The following PIGU variants were observed in gnomAD, a reference collection of about 807,000 sequenced individuals.
The protein encoded by PIGU is GPI-anchor transamidase component PIGU.
In PIGU, 24 loss-of-function variants were observed where a neutral mutation model predicts 49.9. The observed-to-expected ratio is 0.48, with a 90% CI of 0.35 to 0.68. The LOEUF (loss-of-function observed/expected upper bound fraction) is 0.68. Among genes scored for constraint, PIGU ranks in the 30% least tolerant of loss-of-function variants. The pLI is 0.01. For synonymous variants in PIGU, 220 were observed against 205.7 expected (o/e 1.07, Z -0.59); for missense variants, 490 against 532.6 (o/e 0.92, Z 0.79).
intron 7 of PIGU, among the ~76,000 whole-genome samples, chr20:34,605,648 G>T (rs757066371): frequency 6.6e-6 from 1 of 152,156 alleles, no homozygotes; most frequent in Admixed American, 6.5e-5. Flanking sequence ...ATAGTCACTT[G>T]CTCAGGGTCA....
chr20:34,563,624 T>G (rs969088724), intron 11 of PIGU, among the ~76,000 whole-genome samples: 2 of 139,602 alleles, frequency 1.4e-5, no homozygotes, highest in Admixed American at 7.2e-5. Context: ...AATACATCAA[T>G]GGGGGGGGGG....
intron 11 of PIGU, among the ~76,000 whole-genome samples, chr20:34,561,691 G>A (rs948568497): frequency 6.6e-6 from 1 of 152,052 alleles, no homozygotes; most frequent in East Asian, 1.9e-4. Flanking sequence ...GGCAAAGCTC[G>A]AACTCCCTCG....
intron 11 of PIGU, among the ~76,000 whole-genome samples, chr20:34,569,080 T>C (rs1041165529): frequency 6.6e-6 from 1 of 152,174 alleles, no homozygotes; most frequent in Admixed American, 6.5e-5. Flanking sequence ...GGGGTGTGCC[T>C]GTAGTTCTAG....
At chr20:34,652,495 A>C (rs1321512808) in intron 2 of PIGU, among the ~76,000 whole-genome samples, 1 of 151,984 alleles carries the variant, frequency 6.6e-6, no homozygotes, top group Non-Finnish European at 1.5e-5. Context: ...TATTTCTTTT[A>C]ATCTGCTTAC....
intron 6 of PIGU, among the ~76,000 whole-genome samples, chr20:34,631,265 G>A (rs1427543937): frequency 6.6e-6 from 1 of 151,916 alleles, no homozygotes; most frequent in Non-Finnish European, 1.5e-5. Flanking sequence ...AAAAGTAAGA[G>A]AAAGTAAGTA....
rs1356161618 is a variant in PIGU at position 34,658,551 on chromosome 20, C to T, written c.131-1307G>A. On this transcript the variant is annotated intron_variant, in intron 1 of 11. Coordinates refer to ENST00000217446, the MANE Select transcript of PIGU (RefSeq NM_080476.5). The stretch of plus-strand genomic sequence containing the variant: ...GCCATCCCATCTAGGAAGTGAGGAG[C>T]GTCTCTGCCCGGCCGCCCATCGTCT... 4.6e-5 allele frequency among the ~76,000 whole-genome samples: 7 copies of T among 151,616 alleles called. No individual in the cohort carries two copies. In the South Asian group the frequency reaches 6.2e-4, roughly 14 times the overall value.
intron 11 of PIGU, chr20:34,562,306 G>A (rs1982556558): frequency 1.5e-6 from 1 of 676,420 alleles, no homozygotes; most frequent in Non-Finnish European, 1.8e-6. Context: ...CAGAGGATTG[G>A]CACCAACCAC....
At chr20:34,635,757 C>T (rs1231262749) in intron 5 of PIGU, among the ~76,000 whole-genome samples, 1 of 152,080 alleles carries the variant, frequency 6.6e-6, no homozygotes, top group African/African-American at 2.4e-5. Flanking sequence ...TGCCTGTAAT[C>T]CCAGCTACTC....
chr20:34,668,792 T>A (rs1222675264), intron 1 of PIGU, among the ~76,000 whole-genome samples: 2 of 82,054 alleles, frequency 2.4e-5, no homozygotes, highest in African/African-American at 4.7e-5. Flanking sequence ...AATAAATAAA[T>A]AAAATAAAAA....
chr20:34,643,144 G>A (rs946804932), intron 4 of PIGU, among the ~76,000 whole-genome samples: 4 of 152,016 alleles, frequency 2.6e-5, no homozygotes, highest in African/African-American at 9.7e-5. Context: ...TGGTCTTGGT[G>A]ATACTAAGTC....
chr20:34,612,051 T>C (rs1324530162), intron 7 of PIGU, among the ~76,000 whole-genome samples: 1 of 152,078 alleles, frequency 6.6e-6, no homozygotes, highest in Non-Finnish European at 1.5e-5. Context: ...TATAAAGATA[T>C]ATGCACACGT....
intron 1 of PIGU, among the ~76,000 whole-genome samples, chr20:34,668,872 T>A (rs6119508): frequency 1.2e-3 from 47 of 39,430 alleles, no homozygotes; most frequent in African/African-American, 5.1e-3. Context: ...TAAAACTTTT[T>A]TTTTTTTTTT....
chr20:34,676,231 A>G (rs182971120), intron 1 of PIGU, among the ~76,000 whole-genome samples: 89 of 152,124 alleles, frequency 5.9e-4, no homozygotes, highest in Non-Finnish European at 1.0e-3. Flanking sequence ...CTCAAATCCC[A>G]CATTCTGGAA....
chr20:34,596,007 G>C (rs1448868958), intron 7 of PIGU, among the ~76,000 whole-genome samples: 1 of 152,128 alleles, frequency 6.6e-6, no homozygotes, highest in Admixed American at 6.5e-5. Flanking sequence ...GAGCCCAGTC[G>C]GGCGATGGAG....
chr20:34,645,297 T>G lies in PIGU; in HGVS notation c.233A>C (p.Asp78Ala). ...LIIYLFHFLI[D>A]YAELVFMITD... ...TACCATAAACACCAATTCAGCATAG[T>G]CAATTAGGAAATGAAAGAGGTATAT... Residue 78 changes from aspartate to alanine, a missense_variant, in exon 3 of 12, where the codon GAC (aspartate) becomes GCC (alanine). Asp to Ala is a moderately radical substitution (Grantham distance 126, BLOSUM62 -2). Coordinates refer to ENST00000217446, the MANE Select transcript of PIGU (RefSeq NM_080476.5). 6.3e-7 allele frequency: 1 copy of G among 1,579,378 alleles called. No individual in the cohort carries two copies. The highest frequency in any genetic ancestry group is 8.6e-7 in the Non-Finnish European group (1 of 1,168,622).
intron 4 of PIGU, chr20:34,643,427 G>C (rs1986230977): frequency 6.6e-6 from 1 of 152,164 alleles, no homozygotes; most frequent in African/African-American, 2.4e-5. Context: ...GGTTTCATTA[G>C]TAACAAAAGC....
intron 11 of PIGU, among the ~76,000 whole-genome samples, chr20:34,573,185 C>T (rs1983084559): frequency 1.3e-5 from 2 of 151,974 alleles, no homozygotes; most frequent in Admixed American, 6.6e-5. Flanking sequence ...TGACTTCTTT[C>T]CCCCAGCAAT....
Position 34,609,835 on chromosome 20 carries a change from G to A in PIGU, c.627+6207C>T, listed in dbSNP as rs192861376. 5.5e-4 allele frequency among the ~76,000 whole-genome samples: 84 copies of A among 152,212 alleles called. No homozygotes were observed. In the East Asian group the frequency reaches 0.015, roughly 27 times the overall value. ...TCCCCTCATGTCATGAGAGGGACCC[G>A]GTGGGAGGTAATTGAATCATGGGGA... On this transcript the variant is annotated intron_variant, in intron 7 of 11. Coordinates refer to ENST00000217446, the MANE Select transcript of PIGU (RefSeq NM_080476.5).
At chr20:34,607,668 T>C (rs1270667176) in intron 7 of PIGU, among the ~76,000 whole-genome samples, 2 of 152,208 alleles carry the variant, frequency 1.3e-5, no homozygotes, top group African/African-American at 4.8e-5. Flanking sequence ...AGATGTGAAA[T>C]GCTTAAGCCA....
Sources: allele counts gnomAD v4.1 joint callset (sites outside exome capture counted in the v4.1 genomes callset), GRCh38; gene constraint gnomAD v4.1.1; transcripts MANE v1.5; gene names NCBI Gene and HGNC (gene_info 2026-07-23, HGNC 2026-07-21).